The following TENM3 variants were observed in gnomAD, a reference collection of about 807,000 sequenced individuals.
The protein encoded by TENM3 is teneurin transmembrane protein 3, also known as teneurin-3.
In TENM3, 63 loss-of-function variants were observed where a neutral mutation model predicts 255.1. The observed-to-expected ratio is 0.25, with a 90% CI of 0.20 to 0.30. TENM3 has a LOEUF of 0.30. Ranked by LOEUF, TENM3 falls within the 10% of genes least tolerant of loss-of-function variation. TENM3 has a pLI of 1.00. For missense variants in TENM3, 2,929 were observed against 3,461.1 expected (o/e 0.85, Z 3.86); for synonymous variants, 1,306 against 1,322.3 (o/e 0.99, Z 0.27).
chr4:182,321,404 T>A (rs191627924), intron 1 of TENM3, among the ~76,000 whole-genome samples: 37 of 152,192 alleles, frequency 2.4e-4, no homozygotes, highest in African/African-American at 8.7e-4. Flanking sequence ...GGCAGGTGGA[T>A]CACCTGAGGT....
At chr4:182,220,378 C>A (rs1327426083) in intron 1 of TENM3, among the ~76,000 whole-genome samples, 17 of 77,502 alleles carry the variant, frequency 2.2e-4, no homozygotes, top group East Asian at 8.5e-4. Flanking sequence ...CTCTGTCTCA[C>A]AAAAAAAAAA....
chr4:182,180,661 A>C (rs1281538691), intron 1 of TENM3, among the ~76,000 whole-genome samples: 1 of 149,980 alleles, frequency 6.7e-6, no homozygotes, highest in African/African-American at 2.4e-5. Flanking sequence ...CTTTTTGTAG[A>C]GACAGGGTCT....
Position 182,730,997 on chromosome 4 carries a change from T to C in TENM3, c.2825T>C (p.Leu942Pro). ...AATGTCTTTTATGTGATGGATACCC[T>C]AGTCATGAAGAAAGAAGAGAATGAC... ...PWNVFYVMDT[L>P]VMKKEENDIP... Residue 942 changes from leucine to proline, a missense_variant, in exon 16 of 28, where the codon CTA becomes CCA. Physicochemically the swap from Leu to Pro is moderately conservative, Grantham distance 98 (BLOSUM62 -3). Around this residue, in one of 6 missense-constraint regions of TENM3, gnomAD observed 1,608 missense variants for 1,884.4 expected, o/e 0.85. Coordinates refer to ENST00000511685, the MANE Select transcript of TENM3 (RefSeq NM_001080477.4). The C allele has an allele frequency of 1.2e-6, 2 of 1,613,926 alleles. No homozygotes were observed. The highest frequency in any genetic ancestry group is 1.7e-6 in the Non-Finnish European group (2 of 1,179,852).
chr4:182,023,274 T>C, the TENM3 span, among the ~76,000 whole-genome samples: 2 of 152,218 alleles, frequency 1.3e-5, no homozygotes, highest in African/African-American at 4.8e-5. Context: ...TAAAAATACT[T>C]AACAGCTTTG....
the TENM3 span, among the ~76,000 whole-genome samples, chr4:181,767,208 T>TCAC: frequency 3.7e-5 from 5 of 133,446 alleles, no homozygotes; most frequent in Non-Finnish European, 7.7e-5. Context: ...GCCGAGAAGG[T>TCAC]GCCACTGCGC....
the TENM3 span, among the ~76,000 whole-genome samples, chr4:181,915,282 T>C: frequency 6.6e-6 from 1 of 152,174 alleles, no homozygotes; most frequent in East Asian, 1.9e-4. Flanking sequence ...TTTTAGAGTT[T>C]GCAATAATCT....
intron 3 of TENM3, among the ~76,000 whole-genome samples, chr4:182,597,129 A>G (rs1419462877): frequency 1.3e-5 from 2 of 152,236 alleles, no homozygotes; most frequent in African/African-American, 2.4e-5. Context: ...AGAGCCAGGT[A>G]CAGATCCTCA....
At chr4:181,530,189 T>C in the TENM3 span, among the ~76,000 whole-genome samples, 4 of 152,202 alleles carry the variant, frequency 2.6e-5, no homozygotes, top group Non-Finnish European at 5.9e-5. Context: ...TAAAAAAACA[T>C]GCATTCTGAA....
At chr4:182,013,024 A>G in the TENM3 span, among the ~76,000 whole-genome samples, 1 of 152,174 alleles carries the variant, frequency 6.6e-6, no homozygotes, top group Non-Finnish European at 1.5e-5. Flanking sequence ...AAACAAAAAC[A>G]AAAACGAAAA....
chr4:182,574,406 C>T (rs1441940134), intron 3 of TENM3, among the ~76,000 whole-genome samples: 2 of 152,022 alleles, frequency 1.3e-5, no homozygotes, highest in Non-Finnish European at 2.9e-5. Context: ...TTACTTCATG[C>T]ATTTATTTAT....
At chr4:181,587,510 T>G in the TENM3 span, among the ~76,000 whole-genome samples, 1 of 152,212 alleles carries the variant, frequency 6.6e-6, no homozygotes, top group Non-Finnish European at 1.5e-5. Context: ...GCCTGATATT[T>G]CAGCCTAAAA....
At chr4:181,864,774 T>C in the TENM3 span, among the ~76,000 whole-genome samples, 3 of 152,292 alleles carry the variant, frequency 2.0e-5, no homozygotes, top group Non-Finnish European at 2.9e-5. Flanking sequence ...GCCCAGCAAT[T>C]CCTTAACTAG....
chr4:182,042,848 A>C, the TENM3 span, among the ~76,000 whole-genome samples: 1 of 150,078 alleles, frequency 6.7e-6, no homozygotes, highest in African/African-American at 2.5e-5. Context: ...TATCTGAATT[A>C]ATTTTCGATC....
the TENM3 span, among the ~76,000 whole-genome samples, chr4:182,107,489 C>T: frequency 0.27 from 40,567 of 152,048 alleles, 5,661 homozygotes; most frequent in Middle Eastern, 0.37. Context: ...CTGGCACATT[C>T]GACAGTTATT....
At chr4:182,669,486 G>GGT (rs1755024367) in intron 6 of TENM3, among the ~76,000 whole-genome samples, 1 of 151,922 alleles carries the variant, frequency 6.6e-6, no homozygotes, top group Non-Finnish European at 1.5e-5. Flanking sequence ...TATCCAGGAT[G>GGT]GTCTCAATCT....
chr4:182,509,829 T>C (rs1737204708), intron 3 of TENM3, among the ~76,000 whole-genome samples: 1 of 149,998 alleles, frequency 6.7e-6, no homozygotes. Flanking sequence ...CCCAGCTACT[T>C]GGGAGGCTGA....
chr4:182,002,110 G>A, the TENM3 span, among the ~76,000 whole-genome samples: 1 of 152,064 alleles, frequency 6.6e-6, no homozygotes, highest in Non-Finnish European at 1.5e-5. Flanking sequence ...TGTATTATAG[G>A]AGAAATATAT....
At chr4:181,925,816 C>T in the TENM3 span, among the ~76,000 whole-genome samples, 1 of 152,116 alleles carries the variant, frequency 6.6e-6, no homozygotes, top group Non-Finnish European at 1.5e-5. Context: ...CAGAATATTC[C>T]TAAACAAGCT....
the TENM3 span, among the ~76,000 whole-genome samples, chr4:181,613,429 A>G: frequency 6.6e-6 from 1 of 152,188 alleles, no homozygotes; most frequent in African/African-American, 2.4e-5. Context: ...CAGGCCCATC[A>G]GTCTCCCCAG....
Sources: allele counts gnomAD v4.1 joint callset (sites outside exome capture counted in the v4.1 genomes callset), GRCh38; gene constraint gnomAD v4.1.1; regional missense constraint gnomAD v4.1.1; transcripts MANE v1.5; gene names NCBI Gene and HGNC (gene_info 2026-07-23, HGNC 2026-07-21).